Variants in DLGAP1 observed in about 807,000 individuals in gnomAD.
The protein encoded by DLGAP1 is DLG associated protein 1, also known as disks large-associated protein 1.
A neutral mutation model predicts 90.8 loss-of-function variants in DLGAP1; 11 were observed. That is an observed-to-expected ratio of 0.12 (90% CI 0.08 to 0.20). DLGAP1 has a LOEUF of 0.20. DLGAP1 is among the 10% of genes least tolerant of loss of function. The pLI, the probability that DLGAP1 is intolerant of heterozygous loss-of-function variation, is 1.00. For missense variants in DLGAP1, 1,050 were observed against 1,333.8 expected, an observed-to-expected ratio of 0.79 and a Z score of 3.31; for synonymous variants, 558 against 540.7, an observed-to-expected ratio of 1.03 and a Z score of -0.44.
intron 1 of DLGAP1, among the ~76,000 whole-genome samples, chr18:4,282,960 T>A (rs1466652367): frequency 3.3e-5 from 5 of 152,220 alleles, no homozygotes; most frequent in Admixed American, 2.6e-4. Flanking sequence ...GTAATCAGTC[T>A]GTTCAAAGTG....
intron 3 of DLGAP1, among the ~76,000 whole-genome samples, chr18:3,937,957 T>A (rs960943217): frequency 6.6e-6 from 1 of 152,212 alleles, no homozygotes; most frequent in African/African-American, 2.4e-5. Context: ...CAATAGGCCA[T>A]ACTTACAGGG....
chr18:4,151,603 T>C (rs899301432), intron 1 of DLGAP1, among the ~76,000 whole-genome samples: 60 of 152,338 alleles, frequency 3.9e-4, no homozygotes, highest in African/African-American at 1.4e-3. Context: ...AATGATCCAA[T>C]TCTGTAAGAC....
intron 2 of DLGAP1, among the ~76,000 whole-genome samples, chr18:4,140,004 G>A (rs2076470333): frequency 6.6e-6 from 1 of 151,768 alleles, no homozygotes; most frequent in African/African-American, 2.4e-5. Flanking sequence ...GTCTTTAGAG[G>A]TGAAATATTT....
intron 2 of DLGAP1, among the ~76,000 whole-genome samples, chr18:4,147,850 G>A (rs192141267): frequency 7.9e-5 from 12 of 152,232 alleles, no homozygotes; most frequent in East Asian, 1.9e-4. Flanking sequence ...AAACTGTAAC[G>A]CAGAAATTGT....
In DLGAP1 at chr18:3,729,366, T is replaced by A. The variant is rs957880500; in HGVS notation, c.1360A>T (p.Met454Leu). ...GACTCGAACTGCCCGTTCACTTCCA[T>A]CTCGCTCACCTGCGGGCAGACACAG... is the stretch of plus-strand genomic sequence containing the variant. ...AMSTISQVSE[M>L]EVNGQFESVC... is the part of the protein sequence containing the mutation. Residue 454 changes from methionine to leucine, a missense_variant, in exon 7 of 13, where the codon ATG becomes TTG. Physicochemically the swap from Met to Leu is conservative, Grantham distance 15. Around this residue, in one of 2 missense-constraint regions of DLGAP1, gnomAD observed 565 missense variants for 879.7 expected, o/e 0.64. Transcript: ENST00000315677. The surrounding 1 kb of genome is among the most constrained non-coding windows in gnomAD (Gnocchi z 6.2). 1 of 1,611,902 alleles carries A rather than the reference T, an allele frequency of 6.2e-7. No individual in the cohort carries two copies. Among genetic ancestry groups the A allele is most frequent in the Admixed American group, 1.7e-5 (1 of 59,962 alleles).
intron 2 of DLGAP1, among the ~76,000 whole-genome samples, chr18:4,125,602 C>T (rs113631663): frequency 2.6e-5 from 4 of 152,136 alleles, no homozygotes; most frequent in African/African-American, 9.6e-5. Context: ...AGTGTGGTAA[C>T]CCCAGGAAGG....
Position 3,585,016 on chromosome 18 carries a change from G to A in DLGAP1, c.1592-2768C>T, listed in dbSNP as rs578223393. 3.3e-5 allele frequency among the ~76,000 whole-genome samples: 5 copies of A among 152,302 alleles called. No individual in the cohort carries two copies. The East Asian group carries it at 7.7e-4, about 24-fold the overall frequency. On this transcript the variant is annotated intron_variant, in intron 7 of 12. Transcript: ENST00000315677. ...GATCCTCCCATCTTGGCCTCTCAAAGTGCTGGGATTAGAGGCATTAGCCAC... is the reference window on the plus strand; with the variant it reads ...GATCCTCCCATCTTGGCCTCTCAAAATGCTGGGATTAGAGGCATTAGCCAC...
intron 2 of DLGAP1, among the ~76,000 whole-genome samples, chr18:4,093,535 G>A (rs1464354845): frequency 2.0e-5 from 3 of 152,030 alleles, no homozygotes; most frequent in African/African-American, 7.2e-5. Context: ...TTTCATAAGT[G>A]CATATGAAAA....
intron 1 of DLGAP1, chr18:4,293,995 G>A (rs1343398467): frequency 6.6e-6 from 1 of 152,160 alleles, no homozygotes; most frequent in Non-Finnish European, 1.5e-5. Flanking sequence ...AAATCAGTGT[G>A]TTAGAAATTC....
chr18:3,615,633 T>C (rs16945135), intron 7 of DLGAP1, among the ~76,000 whole-genome samples: 12,251 of 152,166 alleles, frequency 0.081, 552 homozygotes, highest in African/African-American at 0.09. Context: ...GCATTTTTCA[T>C]TGCTTTGTCT....
chr18:4,188,683 G>A (rs2077342659), intron 1 of DLGAP1, among the ~76,000 whole-genome samples: 1 of 152,096 alleles, frequency 6.6e-6, no homozygotes, highest in African/African-American at 2.4e-5. Flanking sequence ...CCATGGTGTA[G>A]GTGCGCCACA....
At chr18:3,651,907 G>C (rs977553313) in intron 7 of DLGAP1, among the ~76,000 whole-genome samples, 14 of 152,146 alleles carry the variant, frequency 9.2e-5, no homozygotes, top group African/African-American at 3.4e-4. Flanking sequence ...GGAGGCGGAG[G>C]TTGCAGCGAG....
intron 1 of DLGAP1, among the ~76,000 whole-genome samples, chr18:4,309,398 G>C (rs1054147528): frequency 5.3e-5 from 8 of 152,162 alleles, no homozygotes; most frequent in African/African-American, 1.7e-4. Context: ...AAAAGCAAGA[G>C]AGTGCAAGAG....
At chr18:4,341,910 A>G (rs2081197201) in intron 1 of DLGAP1, among the ~76,000 whole-genome samples, 1 of 152,080 alleles carries the variant, frequency 6.6e-6, no homozygotes, top group African/African-American at 2.4e-5. Context: ...AATTAAACTG[A>G]TATCTCTCTT....
At chr18:3,919,545 A>C (rs761407215) in intron 3 of DLGAP1, among the ~76,000 whole-genome samples, 4 of 152,218 alleles carry the variant, frequency 2.6e-5, no homozygotes, top group Non-Finnish European at 4.4e-5. Context: ...CTAATATGGC[A>C]GTGGTGGAAA....
intron 1 of DLGAP1, among the ~76,000 whole-genome samples, chr18:4,322,314 T>A (rs1226277548): frequency 6.6e-6 from 1 of 152,048 alleles, no homozygotes; most frequent in African/African-American, 2.4e-5. Context: ...GGGAGTGGAA[T>A]AGGAGAGGTC....
chr18:4,150,592 C>T (rs1829647), intron 2 of DLGAP1, among the ~76,000 whole-genome samples: 10,535 of 152,184 alleles, frequency 0.069, 1,264 homozygotes, highest in African/African-American at 0.24. Context: ...TGCCACCACA[C>T]CCAGCTAATT....
chr18:4,253,559 C>T (rs2078825875), intron 1 of DLGAP1, among the ~76,000 whole-genome samples: 2 of 152,042 alleles, frequency 1.3e-5, no homozygotes, highest in Admixed American at 6.6e-5. Flanking sequence ...TACAGATGCA[C>T]ACCACCATGA....
intron 7 of DLGAP1, among the ~76,000 whole-genome samples, chr18:3,718,931 A>T (rs910225196): frequency 6.6e-6 from 1 of 151,354 alleles, no homozygotes; most frequent in Non-Finnish European, 1.5e-5. Context: ...TGTCTGAAAA[A>T]AAAAAAAAAA....
Sources: allele counts gnomAD v4.1 joint callset (sites outside exome capture counted in the v4.1 genomes callset), GRCh38; gene constraint gnomAD v4.1.1; regional missense constraint gnomAD v4.1.1; non-coding constraint Gnocchi (gnomAD v3.1); transcripts MANE v1.5; gene names NCBI Gene and HGNC (gene_info 2026-07-23, HGNC 2026-07-21).